The following RFTN1 variants were observed in gnomAD, a reference collection of about 807,000 sequenced individuals.
RFTN1 encodes raftlin.
Under a neutral mutation model 46.5 loss-of-function variants are expected in RFTN1, and 26 were observed. That is an observed-to-expected ratio of 0.56 (90% CI 0.41 to 0.78). The LOEUF is 0.78. Among genes scored for constraint, RFTN1 ranks in the 30% least tolerant of loss-of-function variants. RFTN1 has a pLI of 0.00. For missense variants in RFTN1, 693 were observed against 718.7 expected (o/e 0.96, Z 0.41); for synonymous variants, 261 against 284.2 (o/e 0.92, Z 0.82).
chr3:16,434,385 C>CAAAAA (rs1449024881), intron 2 of RFTN1, among the ~76,000 whole-genome samples: 1 of 129,444 alleles, frequency 7.7e-6, no homozygotes, highest in African/African-American at 2.8e-5. Context: ...AACAAACAAA[C>CAAAAA]AAACAAACAA....
intron 2 of RFTN1, among the ~76,000 whole-genome samples, chr3:16,439,430 G>A (rs1427460379): frequency 6.6e-6 from 1 of 152,156 alleles, no homozygotes; most frequent in Non-Finnish European, 1.5e-5. Context: ...CCTTGGGCAA[G>A]CTATATAGCT....
chr3:16,362,953 C>T (rs955649762), intron 6 of RFTN1, among the ~76,000 whole-genome samples: 44 of 152,240 alleles, frequency 2.9e-4, no homozygotes, highest in African/African-American at 9.2e-4. Flanking sequence ...GGGAAAGCTA[C>T]GGCTAGCTTG....
rs1377395019 is a variant in RFTN1 at position 16,489,443 on chromosome 3, G to C, written c.145+4282C>G. Among the ~76,000 whole-genome samples, 4 of 151,956 alleles carry C rather than the reference G, an allele frequency of 2.6e-5. No individual in the cohort carries two copies. The highest frequency in any genetic ancestry group is 2.1e-4 in the South Asian group (1 of 4,818). The stretch of plus-strand genomic sequence containing the variant: ...AAAAAAAAATCAGTGATGGAGAGGA[G>C]ATTAGTGGTTGTCTGGGGTTGGAGG... On this transcript the variant is annotated intron_variant, in intron 2 of 9. Transcript: ENST00000334133. The surrounding 1 kb of genome is among the most constrained non-coding windows in gnomAD (Gnocchi z 4.0).
Position 16,446,966 on chromosome 3 carries a change from C to T in RFTN1, c.146-12929G>A, listed in dbSNP as rs75085887. Among the ~76,000 whole-genome samples, 56 of 152,278 alleles carry T rather than the reference C, an allele frequency of 3.7e-4. 1 individual carries two copies. In the East Asian group the frequency reaches 0.01, roughly 28 times the overall value. ...AAACTATTGGAAATCATAAAGACCA[C>T]GTGTAAGACTAGTTTCAAGAGGCTT... On this transcript the variant is annotated intron_variant, in intron 2 of 9. Coordinates refer to ENST00000334133, the MANE Select transcript of RFTN1 (RefSeq NM_015150.2). The surrounding 1 kb of genome is among the most constrained non-coding windows in gnomAD (Gnocchi z 4.5).
chr3:16,353,843 A>AC lies in RFTN1; in HGVS notation c.1146+4088dup. 6.6e-6 allele frequency among the ~76,000 whole-genome samples: 1 copy of AC among 152,034 alleles called. No individual in the cohort carries two copies. The highest frequency in any genetic ancestry group is 2.4e-5 in the African/African-American group (1 of 41,454). ...GAAGAGAGCCCTCACCAGAAACCAA[A>AC]CCCTCCCAGAACCTTGATCTTGGAC... On this transcript the variant is annotated intron_variant, in intron 7 of 9. Coordinates refer to ENST00000334133, the MANE Select transcript of RFTN1 (RefSeq NM_015150.2). This position sits in a 1 kb window ranked among gnomAD's most constrained non-coding sequence, Gnocchi z 5.4.
At position 16,344,533 on chromosome 3, in the gene RFTN1, A is replaced by G. The variant is rs774624493; in HGVS notation, c.1146+13399T>C. Reference sequence around the variant, plus strand: ...AACTAGAATGCTTTATGTGGAGCCCAAGAGCATCCATGTTCTTATTCTTAG... The same window carrying G: ...AACTAGAATGCTTTATGTGGAGCCCGAGAGCATCCATGTTCTTATTCTTAG... On this transcript the variant is annotated intron_variant, in intron 7 of 9. Coordinates refer to ENST00000334133, the MANE Select transcript of RFTN1 (RefSeq NM_015150.2). The surrounding 1 kb of genome is among the most constrained non-coding windows in gnomAD (Gnocchi z 4.4). Among the ~76,000 whole-genome samples, 36 of 152,120 alleles carry G rather than the reference A, an allele frequency of 2.4e-4. No homozygotes were observed. Among genetic ancestry groups the G allele is most frequent in the Non-Finnish European group, 3.4e-4 (23 of 68,014 alleles).
At chr3:16,323,595 A>C in intron 8 of RFTN1, 138 bp from the exon 9 acceptor site, 4 of 585,074 alleles carry the variant, frequency 6.8e-6, no homozygotes, top group East Asian at 2.9e-5. Flanking sequence ...CGCCTGCTCT[A>C]CTCTTCCGCT....
rs1336956301 is a variant in RFTN1 at position 16,335,621 on chromosome 3, G to T, written c.1147-8745C>A. 6.6e-6 allele frequency among the ~76,000 whole-genome samples: 1 copy of T among 152,142 alleles called. No individual in the cohort carries two copies. Among genetic ancestry groups the T allele is most frequent in the Non-Finnish European group, 1.5e-5 (1 of 68,020 alleles). Reference sequence around the variant, plus strand: ...TGGGGAGCAACACACACTGGGACCTGTTGGAGGTGTGGGAGGAGGGAGAGC... The same window carrying T: ...TGGGGAGCAACACACACTGGGACCTTTTGGAGGTGTGGGAGGAGGGAGAGC... On this transcript the variant is annotated intron_variant, in intron 7 of 9. Coordinates refer to ENST00000334133, the MANE Select transcript of RFTN1 (RefSeq NM_015150.2). The surrounding 1 kb of genome is among the most constrained non-coding windows in gnomAD (Gnocchi z 4.7).
chr3:16,467,240 T>C (rs62234666), intron 2 of RFTN1, among the ~76,000 whole-genome samples: 3,294 of 152,138 alleles, frequency 0.022, 51 homozygotes, highest in Non-Finnish European at 0.032. Flanking sequence ...TATGATGGCA[T>C]TGGAAATGAG....
chr3:16,497,937 A>G (rs1307869561), intron 1 of RFTN1, among the ~76,000 whole-genome samples: 1 of 152,178 alleles, frequency 6.6e-6, no homozygotes, highest in Non-Finnish European at 1.5e-5. Context: ...AAAGGTTTGG[A>G]AAGGGTTGGG....
chr3:16,334,137 C>T lies in RFTN1; in HGVS notation c.1147-7261G>A, dbSNP rs758364318. On this transcript the variant is annotated intron_variant, in intron 7 of 9. Transcript: ENST00000334133. This position sits in a 1 kb window ranked among gnomAD's most constrained non-coding sequence, Gnocchi z 4.3. ...CCGAGATCGTGCCACTGCACTCCAGCCTGGGCGACAGAGCAAGACTCTGTC... is the reference window on the plus strand; with the variant it reads ...CCGAGATCGTGCCACTGCACTCCAGTCTGGGCGACAGAGCAAGACTCTGTC... Among the ~76,000 whole-genome samples the T allele has an allele frequency of 9.9e-5, 15 of 152,154 alleles. No individual in the cohort carries two copies. The highest frequency in any genetic ancestry group is 1.9e-4 in the Non-Finnish European group (13 of 68,018).
rs994719843 is a variant in RFTN1, at chr3:16,329,111, T to G, written c.1147-2235A>C. On this transcript the variant is annotated intron_variant, in intron 7 of 9. Coordinates refer to ENST00000334133, the MANE Select transcript of RFTN1 (RefSeq NM_015150.2). The surrounding 1 kb of genome is among the most constrained non-coding windows in gnomAD (Gnocchi z 4.5). ...CTCTTGTGAATGGGTTAATGCCAAC[T>G]CAGGCAAAGGGCTTGAGGCTACAAG... Among the ~76,000 whole-genome samples the G allele has an allele frequency of 6.6e-6, 1 of 152,220 alleles. No homozygotes were observed. Among genetic ancestry groups the G allele is most frequent in the African/African-American group, 2.4e-5 (1 of 41,456 alleles).
chr3:16,492,395 C>T (rs1282452806), intron 2 of RFTN1, among the ~76,000 whole-genome samples: 2 of 152,196 alleles, frequency 1.3e-5, no homozygotes, highest in African/African-American at 4.8e-5. Context: ...CACATATCTA[C>T]CCCATTCTAA....
In RFTN1 at chr3:16,436,348, GA is replaced by G. The variant is rs34339739; in HGVS notation, c.146-2312del. 1.2e-3 allele frequency among the ~76,000 whole-genome samples: 163 copies of G among 134,224 alleles called. 2 individuals are homozygous for G. The South Asian group carries it at 0.031, about 26-fold the overall frequency. The allele number at this position is 134,224 out of a possible 152,430, so 88.1% of individuals were successfully genotyped here. ...CTTTGCATATAGTGGGTTTTGCCAT[GA>G]AAAAAAAAATTTTTTTTTTTTTTTT... On this transcript the variant is annotated intron_variant, in intron 2 of 9. Coordinates refer to ENST00000334133, the MANE Select transcript of RFTN1 (RefSeq NM_015150.2).
intron 2 of RFTN1, among the ~76,000 whole-genome samples, chr3:16,453,772 G>A (rs1456615297): frequency 6.6e-6 from 1 of 152,146 alleles, no homozygotes; most frequent in Non-Finnish European, 1.5e-5. Flanking sequence ...AACCAGACAT[G>A]CTTAATTTCA....
intron 2 of RFTN1, among the ~76,000 whole-genome samples, chr3:16,435,170 A>G (rs2075478493): frequency 6.6e-6 from 1 of 152,242 alleles, no homozygotes; most frequent in African/African-American, 2.4e-5. Context: ...CAATCAAAGA[A>G]TTCATACAAA....
intron 3 of RFTN1, among the ~76,000 whole-genome samples, chr3:16,430,217 C>A (rs532761430): frequency 6.6e-6 from 1 of 152,176 alleles, no homozygotes; most frequent in South Asian, 2.1e-4. Context: ...CTCAAGTAAT[C>A]CTCCCACCTC....
Position 16,507,680 on chromosome 3 carries a change from TAAAC to T in RFTN1, c.-9+5758_-9+5761del, listed in dbSNP as rs1336896458. On this transcript the variant is annotated intron_variant, in intron 1 of 9. Coordinates refer to ENST00000334133, the MANE Select transcript of RFTN1 (RefSeq NM_015150.2). The surrounding 1 kb of genome is among the most constrained non-coding windows in gnomAD (Gnocchi z 7.1). ...CACATACATACACACACAATGCACA[TAAAC>T]ACACACATACACACACATACATACA... Among the ~76,000 whole-genome samples, 1 of 135,848 alleles carries T rather than the reference TAAAC, an allele frequency of 7.4e-6. No homozygotes were observed. The highest frequency in any genetic ancestry group is 1.6e-5 in the Non-Finnish European group (1 of 63,024). The allele number at this position is 135,848 out of a possible 152,430, so 89.1% of individuals were successfully genotyped here. A position where few individuals can be genotyped will look rare whatever the true frequency, so the allele number is the denominator to read the frequency against.
chr3:16,432,478 A>G (rs2075408434), intron 3 of RFTN1, among the ~76,000 whole-genome samples: 1 of 152,120 alleles, frequency 6.6e-6, no homozygotes, highest in African/African-American at 2.4e-5. Flanking sequence ...AGATCATGCC[A>G]CTGTGCTCCA....
Sources: gnomAD v4.1 joint callset for allele counts (sites outside exome capture counted in the v4.1 genomes callset) on GRCh38, gnomAD v4.1.1 for gene constraint, Gnocchi (gnomAD v3.1) non-coding constraint, MANE v1.5 for transcripts, NCBI Gene and HGNC (gene_info 2026-07-23, HGNC 2026-07-21) for gene names.